Variants in CCAR1 observed in about 807,000 individuals in gnomAD.
CCAR1 encodes cell division cycle and apoptosis regulator 1.
Under a neutral mutation model 163.8 loss-of-function variants are expected in CCAR1, and 78 were observed. That is an observed-to-expected ratio of 0.48 (90% confidence interval 0.40 to 0.57). CCAR1 has a LOEUF of 0.57. CCAR1 is among the 20% of genes least tolerant of loss of function. CCAR1 has a pLI of 0.00. For missense variants in CCAR1, 1,019 were observed against 1,365.2 expected, an observed-to-expected ratio of 0.75 and a Z score of 4.00; for synonymous variants, 443 against 460.7, an observed-to-expected ratio of 0.96 and a Z score of 0.49.
intron 5 of CCAR1, 120 bp downstream of exon 5, chr10:68,740,781 G>A (rs1055731584): frequency 4.1e-6 from 3 of 723,690 alleles, no homozygotes; most frequent in Non-Finnish European, 6.9e-6. Context: ...TAATAATTTA[G>A]GAATATAATG....
intron 19 of CCAR1, among the ~76,000 whole-genome samples, chr10:68,783,996 G>C (rs1002304280): frequency 6.6e-6 from 1 of 151,952 alleles, no homozygotes; most frequent in African/African-American, 2.4e-5. Context: ...CTGACCTCGT[G>C]ATCCGCCCAC....
chr10:68,729,006 A>G (rs1187840073), intron 2 of CCAR1, among the ~76,000 whole-genome samples: 1 of 152,044 alleles, frequency 6.6e-6, no homozygotes, highest in Non-Finnish European at 1.5e-5. Context: ...GGTAATAAGC[A>G]TGTGCTACAT....
chr10:68,733,974 A>G (rs1390393972), intron 2 of CCAR1, among the ~76,000 whole-genome samples: 1 of 152,152 alleles, frequency 6.6e-6, no homozygotes, highest in African/African-American at 2.4e-5. Context: ...TTTTTAAAAA[A>G]CATTTTTTAA....
chr10:68,762,366 C>T (rs2056484260), intron 16 of CCAR1, among the ~76,000 whole-genome samples: 1 of 145,468 alleles, frequency 6.9e-6, no homozygotes, highest in Non-Finnish European at 1.5e-5. Context: ...AAAAAAAAAA[C>T]AGTTCTAGGT....
intron 19 of CCAR1, 112 bp from the exon 20 acceptor site, chr10:68,786,024 C>A: frequency 1.5e-6 from 1 of 684,694 alleles, no homozygotes; most frequent in Non-Finnish European, 2.6e-6. Flanking sequence ...CTCACTACAC[C>A]CTCGAACGCC....
intron 15 of CCAR1, among the ~76,000 whole-genome samples, chr10:68,760,142 C>T (rs1036550398): frequency 2.0e-5 from 3 of 152,158 alleles, no homozygotes; most frequent in African/African-American, 7.2e-5. Context: ...GGTGTTACTC[C>T]TCTGTTGGAC....
chr10:68,762,319 ACT>A (rs562121736), intron 16 of CCAR1, among the ~76,000 whole-genome samples: 136 of 130,340 alleles, frequency 1.0e-3, no homozygotes, highest in African/African-American at 3.8e-3. Flanking sequence ...ACAGAGTGAG[ACT>A]CTGTCTAAAA....
Position 68,733,640 on chromosome 10 carries a change from T to C in CCAR1, c.74-3236T>C, listed in dbSNP as rs139130653. Among the ~76,000 whole-genome samples, 412 of 152,128 alleles carry C rather than the reference T, an allele frequency of 2.7e-3. 3 individuals are homozygous for C. The highest frequency in any genetic ancestry group is 9.5e-3 in the African/African-American group (396 of 41,550). On this transcript the variant is annotated intron_variant, in intron 2 of 24. Transcript: ENST00000265872. ...GCAATATAGCAAGACCCCATCTCTA[T>C]TATAATAAGAATTTTTAAAATTTAT...
intron 5 of CCAR1, among the ~76,000 whole-genome samples, chr10:68,740,970 A>G (rs137915158): frequency 1.9e-4 from 29 of 151,122 alleles, no homozygotes; most frequent in African/African-American, 5.6e-4. Context: ...CTGGAGTGCA[A>G]TGGCGCAGTC....
intron 19 of CCAR1, among the ~76,000 whole-genome samples, chr10:68,782,383 C>T (rs1190858147): frequency 2.0e-5 from 3 of 151,770 alleles, no homozygotes; most frequent in African/African-American, 7.3e-5. Flanking sequence ...TGCACTCAAG[C>T]CTGGTTAACA....
In CCAR1 at chr10:68,761,195, A is replaced by G. The variant is rs759544567; in HGVS notation, c.2106+3A>G. The G allele has an allele frequency of 6.4e-7, 1 of 1,568,404 alleles. No individual in the cohort carries two copies. The highest frequency in any genetic ancestry group is 8.7e-7 in the Non-Finnish European group (1 of 1,154,486). On this transcript the variant is annotated splice_donor_region_variant and intron_variant, in intron 16 of 24. Coordinates refer to ENST00000265872, the MANE Select transcript of CCAR1 (RefSeq NM_018237.4). ...GGAAATCTGAAGACGATAAAGAGGT[A>G]TGTACTCAATCTATTATTATACTCT...
At chr10:68,750,150 T>C (rs2056312178) in intron 10 of CCAR1, among the ~76,000 whole-genome samples, 1 of 151,926 alleles carries the variant, frequency 6.6e-6, no homozygotes, top group Non-Finnish European at 1.5e-5. Flanking sequence ...TATACATAAA[T>C]ATATTATTCA....
rs78552277 is a variant in CCAR1, at chr10:68,780,079, G to A, written c.2651-6057G>A. ...AAGTTATTTCAAAAATACAAGTTTC[G>A]GATGAGACAGTTTTGAAAGTGACAC... is the stretch of plus-strand genomic sequence containing the variant. On this transcript the variant is annotated intron_variant, in intron 19 of 24. Coordinates refer to ENST00000265872, the MANE Select transcript of CCAR1 (RefSeq NM_018237.4). Among the ~76,000 whole-genome samples, 722 of 152,190 alleles carry A rather than the reference G, an allele frequency of 4.7e-3. 9 individuals are homozygous for A. Among genetic ancestry groups the A allele is most frequent in the East Asian group, 0.015 (80 of 5,184 alleles).
At chr10:68,727,880 C>T (rs2055971482) in intron 2 of CCAR1, among the ~76,000 whole-genome samples, 1 of 152,150 alleles carries the variant, frequency 6.6e-6, no homozygotes, top group Non-Finnish European at 1.5e-5. Context: ...CTCACTCTGC[C>T]TAGGCTGGAG....
At chr10:68,731,385 T>A (rs2056035528) in intron 2 of CCAR1, among the ~76,000 whole-genome samples, 1 of 152,184 alleles carries the variant, frequency 6.6e-6, no homozygotes, top group Non-Finnish European at 1.5e-5. Flanking sequence ...ATACACTTCA[T>A]TGAAATTAAA....
At chr10:68,782,426 A>G (rs576592919) in intron 19 of CCAR1, among the ~76,000 whole-genome samples, 1 of 152,234 alleles carries the variant, frequency 6.6e-6, no homozygotes, top group South Asian at 2.1e-4. Context: ...GGCGGGTAAA[A>G]AAAAAAAGGC....
intron 10 of CCAR1, among the ~76,000 whole-genome samples, chr10:68,752,253 G>A (rs958341846): frequency 2.0e-5 from 3 of 152,140 alleles, no homozygotes; most frequent in Admixed American, 6.5e-5. Flanking sequence ...AGTAAATTCC[G>A]AGAACATTAA....
chr10:68,765,852 C>A, intron 16 of CCAR1, 36 bp from the exon 17 acceptor site: 2 of 1,475,212 alleles, frequency 1.4e-6, no homozygotes, highest in Non-Finnish European at 1.9e-6. Flanking sequence ...ATCCTACTTG[C>A]AGATTTAACC....
intron 6 of CCAR1, among the ~76,000 whole-genome samples, chr10:68,743,220 A>C (rs1376548409): frequency 6.8e-6 from 1 of 146,186 alleles, no homozygotes. Context: ...TTTTTGAGAC[A>C]GCGCCTCACT....
Sources: gnomAD v4.1 joint callset for allele counts (sites outside exome capture counted in the v4.1 genomes callset) on GRCh38, gnomAD v4.1.1 for gene constraint, MANE v1.5 for transcripts, NCBI Gene and HGNC (gene_info 2026-07-23, HGNC 2026-07-21) for gene names.